Variants in KLHDC2 observed in about 807,000 individuals in gnomAD.
The protein encoded by KLHDC2 is kelch domain-containing protein 2.
A neutral mutation model predicts 62.3 loss-of-function variants in KLHDC2; 38 were observed. The ratio of observed to expected loss-of-function variants is 0.61; its 90% CI spans 0.47 to 0.80. The LOEUF is 0.80. Among genes scored for constraint, KLHDC2 ranks in the 30% least tolerant of loss-of-function variants. The pLI is 0.00. For synonymous variants in KLHDC2, 159 were observed against 161.0 expected, an observed-to-expected ratio of 0.99 and a Z score of 0.09; for missense variants, 430 against 495.3, an observed-to-expected ratio of 0.87 and a Z score of 1.25.
chr14:49,774,495 G>A, intron 2 of KLHDC2, 66 bp from the exon 3 acceptor site: 2 of 1,013,212 alleles, frequency 2.0e-6, no homozygotes, highest in African/African-American at 1.6e-5. Flanking sequence ...AGTAGAAGAA[G>A]AAAAATTAAT....
intron 3 of KLHDC2, 152 bp downstream of exon 3, chr14:49,774,830 T>G: frequency 1.4e-6 from 1 of 694,726 alleles, no homozygotes; most frequent in Non-Finnish European, 2.6e-6. Context: ...TTTTAGTATT[T>G]TGTGTGCCAA....
rs1485494237 is a variant in KLHDC2, at chr14:49,783,532, G to T, written c.*579G>T. On this transcript the variant is annotated 3_prime_UTR_variant, in exon 13 of 13. Coordinates refer to ENST00000298307, the MANE Select transcript of KLHDC2 (RefSeq NM_014315.3). ...CAGGTGCTGTCCAGTCAATTAAAAA[G>T]TTTTTTTTTAATTAATAGGTTTTAT... 6.6e-6 allele frequency: 1 copy of T among 151,234 alleles called. No individual in the cohort carries two copies. Among genetic ancestry groups the T allele is most frequent in the African/African-American group, 2.4e-5 (1 of 41,124 alleles). 9.4% of individuals were successfully genotyped at this position (151,234 alleles called of 1,614,324 possible). A position where few individuals can be genotyped will look rare whatever the true frequency, so the allele number is the denominator to read the frequency against.
chr14:49,771,243 G>C (rs145098102), intron 1 of KLHDC2, among the ~76,000 whole-genome samples: 4 of 152,142 alleles, frequency 2.6e-5, no homozygotes, highest in African/African-American at 9.6e-5. Flanking sequence ...CAGCTACTTA[G>C]GAGGCTGAGG....
rs1409581448 is a variant in KLHDC2 at position 49,778,425 on chromosome 14, A to G, written c.564A>G (p.Pro188=). 2.5e-6 allele frequency: 4 copies of G among 1,579,160 alleles called. No homozygotes were observed. The African/African-American group carries it at 5.4e-5, about 21-fold the overall frequency. ...DETSFWNSSH[P]RGWNDHVHIL... The stretch of plus-strand genomic sequence containing the variant: ...ATTTTCTGTAGAATTCAAGTCATCC[A>G]AGAGGATGGAATGATCATGTACATA... The change falls in exon 6 of 13, where the codon CCA becomes CCG. Residue 188 remains proline (P), a synonymous_variant. Coordinates refer to ENST00000298307, the MANE Select transcript of KLHDC2 (RefSeq NM_014315.3).
chr14:49,779,554 T>C, intron 6 of KLHDC2, 41 bp from the exon 7 acceptor site: 1 of 1,485,106 alleles, frequency 6.7e-7, no homozygotes, highest in Admixed American at 1.7e-5. Context: ...ATTTTCCCTG[T>C]TTATAAAAAG....
chr14:49,782,110 G>C, intron 10 of KLHDC2: 2 of 405,424 alleles, frequency 4.9e-6, no homozygotes, highest in Non-Finnish European at 8.7e-6. Flanking sequence ...TGCTAACAAA[G>C]ACCTAGAGAA....
In KLHDC2 at chr14:49,786,055, C is replaced by T. The variant is rs1400434274; in HGVS notation, c.*3102C>T. ...CACTATTTCTCGTCCTGGGGAGATTCTGCCCTCAGAAGACAATGGGCAATG... is the reference window on the plus strand; with the variant it reads ...CACTATTTCTCGTCCTGGGGAGATTTTGCCCTCAGAAGACAATGGGCAATG... On this transcript the variant is annotated 3_prime_UTR_variant, in exon 13 of 13. Transcript: ENST00000298307. 3 of 152,550 alleles carry T rather than the reference C, an allele frequency of 2.0e-5. No individual in the cohort carries two copies. Among genetic ancestry groups the T allele is most frequent in the African/African-American group, 7.2e-5 (3 of 41,434 alleles). 9.4% of individuals were successfully genotyped at this position (152,550 alleles called of 1,614,324 possible). A position where few individuals can be genotyped will look rare whatever the true frequency, so the allele number is the denominator to read the frequency against.
intron 2 of KLHDC2, among the ~76,000 whole-genome samples, chr14:49,772,148 A>G (rs757364066): frequency 3.3e-5 from 5 of 152,246 alleles, no homozygotes; most frequent in Non-Finnish European, 7.3e-5. Context: ...TGAACTTAGA[A>G]TAAATTTCTA....
intron 1 of KLHDC2, among the ~76,000 whole-genome samples, chr14:49,770,573 A>G (rs562591689): frequency 6.6e-6 from 1 of 152,314 alleles, no homozygotes; most frequent in African/African-American, 2.4e-5. Flanking sequence ...AAAGGCTGGG[A>G]ATGTCAGGCA....
Position 49,778,559 on chromosome 14 carries a change from G to A in KLHDC2, c.633+65G>A. ...GAGGCAGTGGGGAGGGGTGGGGTAG[G>A]GGAGAGGGGTGCACCAGAGTTGGAA... On this transcript the variant is annotated intron_variant, in intron 6 of 12. Coordinates refer to ENST00000298307, the MANE Select transcript of KLHDC2 (RefSeq NM_014315.3). 3 of 648,724 alleles carry A rather than the reference G, an allele frequency of 4.6e-6. 1 individual carries two copies. Among genetic ancestry groups the A allele is most frequent in the Non-Finnish European group, 8.2e-6 (3 of 364,788 alleles). The allele number at this position is 648,724 out of a possible 1,614,324, so 40.2% of individuals were successfully genotyped here. A position where few individuals can be genotyped will look rare whatever the true frequency, so the allele number is the denominator to read the frequency against.
chr14:49,769,434 G>A (rs1388806902), intron 1 of KLHDC2, among the ~76,000 whole-genome samples: 2 of 152,102 alleles, frequency 1.3e-5, no homozygotes, highest in East Asian at 1.9e-4. Flanking sequence ...AATGTTCTCC[G>A]CCCTCCCCAC....
chr14:49,776,703 G>C (rs962269792), intron 3 of KLHDC2, among the ~76,000 whole-genome samples: 1 of 152,044 alleles, frequency 6.6e-6, no homozygotes, highest in African/African-American at 2.4e-5. Flanking sequence ...CACATCACTT[G>C]AGGCCAGGAG....
chr14:49,771,843 A>G (rs1378067564), intron 2 of KLHDC2, among the ~76,000 whole-genome samples, 170 bp downstream of exon 2: 1 of 152,128 alleles, frequency 6.6e-6, no homozygotes, highest in Non-Finnish European at 1.5e-5. Context: ...TAAAAATACA[A>G]AAATTAGCCA....
intron 9 of KLHDC2, 131 bp downstream of exon 9, chr14:49,780,453 C>T (rs975121997): frequency 2.0e-5 from 14 of 692,266 alleles, no homozygotes; most frequent in Non-Finnish European, 3.3e-5. Context: ...AATTTTGATC[C>T]TGTAACATAG....
rs1890173958 is a variant in KLHDC2, at chr14:49,786,244, A to G, written c.*3291A>G. ...ACCAACCCCTAATGTTAATAGTGCCAAAGTTGAGAAACCCTGGGCTAGAAC... is the reference window on the plus strand; with the variant it reads ...ACCAACCCCTAATGTTAATAGTGCCGAAGTTGAGAAACCCTGGGCTAGAAC... On this transcript the variant is annotated 3_prime_UTR_variant, in exon 13 of 13. Coordinates refer to ENST00000298307, the MANE Select transcript of KLHDC2 (RefSeq NM_014315.3). 6.2e-6 allele frequency: 1 copy of G among 160,306 alleles called. No individual in the cohort carries two copies. The highest frequency in any genetic ancestry group is 1.8e-4 in the East Asian group (1 of 5,504). 9.9% of individuals were successfully genotyped at this position (160,306 alleles called of 1,614,324 possible). A position where few individuals can be genotyped will look rare whatever the true frequency, so the allele number is the denominator to read the frequency against.
Position 49,773,090 on chromosome 14 carries a change from T to C in KLHDC2, c.233+1417T>C, listed in dbSNP as rs114806020. On this transcript the variant is annotated intron_variant, in intron 2 of 12. Transcript: ENST00000298307. ...TTGGAAATTTATAATTGTATTCTCT[T>C]AAAAGCAGAATGCTACATATTTTTA... is the stretch of plus-strand genomic sequence containing the variant. 3.4e-3 allele frequency among the ~76,000 whole-genome samples: 522 copies of C among 152,250 alleles called. 3 individuals are homozygous for C. Among genetic ancestry groups the C allele is most frequent in the African/African-American group, 0.012 (499 of 41,550 alleles).
intron 1 of KLHDC2, 132 bp downstream of exon 1, chr14:49,768,753 C>T (rs1420608509): frequency 1.2e-6 from 1 of 807,184 alleles, no homozygotes; most frequent in Non-Finnish European, 1.8e-6. Context: ...ACCTCAGACT[C>T]TGCCCGTTGG....
At chr14:49,775,793 AT>A in intron 3 of KLHDC2, among the ~76,000 whole-genome samples, 1 of 151,762 alleles carries the variant, frequency 6.6e-6, no homozygotes. Flanking sequence ...CGCCCAGCTA[AT>A]TTTTTTATTT....
intron 1 of KLHDC2, among the ~76,000 whole-genome samples, chr14:49,771,319 C>T (rs1889659173): frequency 6.6e-6 from 1 of 151,390 alleles, no homozygotes; most frequent in Non-Finnish European, 1.5e-5. Context: ...CGCCACTGCA[C>T]TCCATCCTGA....
Sources: gnomAD v4.1 joint callset for allele counts (sites outside exome capture counted in the v4.1 genomes callset) on GRCh38, gnomAD v4.1.1 for gene constraint, MANE v1.5 for transcripts, NCBI Gene and HGNC (gene_info 2026-07-23, HGNC 2026-07-21) for gene names.